Variants in MICU3 observed in about 807,000 individuals in gnomAD.
The protein encoded by MICU3 is mitochondrial calcium uptake 3, also known as calcium uptake protein 3, mitochondrial.
MICU3 carries 62 observed loss-of-function variants against 66.5 expected under a neutral mutation model. That is an observed-to-expected ratio of 0.93 (90% CI 0.76 to 1.15). The LOEUF (loss-of-function observed/expected upper bound fraction) is 1.15. Ranked by LOEUF, MICU3 falls within the 50% of genes most tolerant of loss-of-function variation. MICU3 has a pLI of 0.00. For synonymous variants in MICU3, 308 were observed against 240.7 expected (o/e 1.28, Z -2.59); for missense variants, 779 against 664.4 (o/e 1.17, Z -1.90).
chr8:17,057,835 CTTG>C lies in MICU3; in HGVS notation c.382-6221_382-6219del, dbSNP rs3988341. On this transcript the variant is annotated intron_variant, in intron 1 of 14. Transcript: ENST00000318063. ...CTTTTTTTCGTTTTTTGTTGTTGTT[CTTG>C]TTGTTGTTGTTGTTGTTGTTGTTGT... 2.1e-3 allele frequency among the ~76,000 whole-genome samples: 320 copies of C among 150,468 alleles called. 1 individual carries two copies. The highest frequency in any genetic ancestry group is 5.9e-3 in the African/African-American group (244 of 41,036).
At chr8:17,077,378 A>G (rs1820529399) in intron 3 of MICU3, among the ~76,000 whole-genome samples, 2 of 152,174 alleles carry the variant, frequency 1.3e-5, no homozygotes, top group South Asian at 4.1e-4. Context: ...AAGAGACATT[A>G]CGTGAAGCCG....
At chr8:17,079,891 A>G (rs1032730937) in intron 4 of MICU3, among the ~76,000 whole-genome samples, 4 of 152,206 alleles carry the variant, frequency 2.6e-5, no homozygotes, top group Admixed American at 6.5e-5. Flanking sequence ...ATATGCATTC[A>G]TGAAAACATG....
At chr8:17,046,768 G>T (rs1170046334) in intron 1 of MICU3, among the ~76,000 whole-genome samples, 2 of 152,046 alleles carry the variant, frequency 1.3e-5, no homozygotes, top group Non-Finnish European at 2.9e-5. Context: ...CTTATGTCTG[G>T]TATAAGCTGA....
rs1182485182 is a variant in MICU3, at chr8:17,121,124, G to A, written c.*837G>A. On this transcript the variant is annotated 3_prime_UTR_variant, in exon 15 of 15. Coordinates refer to ENST00000318063, the MANE Select transcript of MICU3 (RefSeq NM_181723.3). ...CTGCTCCTGATCATAGGTGGTACAC[G>A]TTAATAACACTAGTAAAAATAACGT... The A allele has an allele frequency of 1.3e-5, 2 of 151,798 alleles. No homozygotes were observed. Among genetic ancestry groups the A allele is most frequent in the Non-Finnish European group, 3.0e-5 (2 of 67,792 alleles). 9.4% of individuals were successfully genotyped at this position (151,798 alleles called of 1,614,324 possible). A position where few individuals can be genotyped will look rare whatever the true frequency, so the allele number is the denominator to read the frequency against.
intron 13 of MICU3, among the ~76,000 whole-genome samples, chr8:17,117,014 G>A (rs1802749336): frequency 1.3e-5 from 2 of 152,030 alleles, no homozygotes. Context: ...GTCTCACTCT[G>A]CCACCCAAGC....
chr8:17,064,504 C>G (rs2285261), intron 2 of MICU3, among the ~76,000 whole-genome samples: 1 of 151,834 alleles, frequency 6.6e-6, no homozygotes, highest in African/African-American at 2.4e-5. Context: ...TATTCTGCCT[C>G]TTCATTCTTA....
chr8:17,080,104 C>T (rs2150717114), intron 4 of MICU3, among the ~76,000 whole-genome samples: 1 of 151,824 alleles, frequency 6.6e-6, no homozygotes, highest in South Asian at 2.1e-4. Context: ...TTTTTTGATC[C>T]TGCACGCCAT....
At chr8:17,063,068 C>T (rs563860447) in intron 1 of MICU3, among the ~76,000 whole-genome samples, 1 of 152,170 alleles carries the variant, frequency 6.6e-6, no homozygotes, top group South Asian at 2.1e-4. Flanking sequence ...AAATGGTCTT[C>T]TACAGGAATA....
At chr8:17,037,038 C>G (rs1202896470) in intron 1 of MICU3, among the ~76,000 whole-genome samples, 1 of 152,254 alleles carries the variant, frequency 6.6e-6, no homozygotes, top group East Asian at 1.9e-4. Flanking sequence ...ACCCAGTACA[C>G]CTTCCGCAGC....
At chr8:17,101,478 A>G in intron 9 of MICU3, among the ~76,000 whole-genome samples, 1 of 151,720 alleles carries the variant, frequency 6.6e-6, no homozygotes, top group Non-Finnish European at 1.5e-5. Context: ...GCCTCATTGG[A>G]TCTGGATTAT....
chr8:17,114,305 G>A, intron 12 of MICU3, 104 bp downstream of exon 12: 2 of 665,050 alleles, frequency 3.0e-6, no homozygotes, highest in South Asian at 2.1e-5. Context: ...CCATCAACTT[G>A]TGTGAAAGTC....
chr8:17,096,955 T>TTGTGTGTGTGTGTGTGTG (rs3988378), intron 8 of MICU3, among the ~76,000 whole-genome samples: 1 of 141,548 alleles, frequency 7.1e-6, no homozygotes, highest in Non-Finnish European at 1.5e-5. Context: ...CTAAATATAT[T>TTGTGTGTGTGTGTGTGTG]TGTGTGTGTG....
chr8:17,085,404 T>G, intron 6 of MICU3, 86 bp downstream of exon 6: 1 of 789,268 alleles, frequency 1.3e-6, no homozygotes, highest in Non-Finnish European at 2.0e-6. Flanking sequence ...GGAGTACTAC[T>G]GTAGAGAAAA....
chr8:17,041,473 A>T (rs1011602256), intron 1 of MICU3, among the ~76,000 whole-genome samples: 2 of 152,186 alleles, frequency 1.3e-5, no homozygotes, highest in Non-Finnish European at 2.9e-5. Context: ...TTACAGTTGG[A>T]TAAGCTGAGT....
intron 8 of MICU3, among the ~76,000 whole-genome samples, chr8:17,098,021 A>T (rs1800899655): frequency 6.6e-6 from 1 of 151,728 alleles, no homozygotes; most frequent in Non-Finnish European, 1.5e-5. Context: ...AGTTATTTTG[A>T]GTCTTTGATA....
In MICU3 at chr8:17,087,030, A is replaced by C; in HGVS notation, c.844A>C (p.Met282Leu). ...EIKGDEEKRA[M>L]LRLQLYGYHS... ...TAAAGGAGATGAAGAAAAGCGTGCA[A>C]TGCTGGTAAGAATACTTTATAGTAG... The change falls in exon 7 of 15, where the codon ATG (methionine) becomes CTG (leucine). Residue 282 changes from methionine to leucine, a missense_variant. Transcript: ENST00000318063. The C allele has an allele frequency of 6.2e-7, 1 of 1,601,532 alleles. No individual in the cohort carries two copies. Among genetic ancestry groups the C allele is most frequent in the Non-Finnish European group, 8.5e-7 (1 of 1,169,774 alleles).
intron 8 of MICU3, among the ~76,000 whole-genome samples, chr8:17,096,892 T>C (rs1425968375): frequency 3.3e-5 from 5 of 151,826 alleles, no homozygotes; most frequent in Non-Finnish European, 7.4e-5. Flanking sequence ...TACTTCTTTT[T>C]CTTGTCCACA....
chr8:17,042,479 T>C (rs1814316006), intron 1 of MICU3, among the ~76,000 whole-genome samples: 1 of 152,210 alleles, frequency 6.6e-6, no homozygotes, highest in South Asian at 2.1e-4. Context: ...CAGGATTTTC[T>C]AGATTTATTA....
rs897491515 is a variant in MICU3, at chr8:17,114,019, T to C, written c.1258-74T>C. 9 of 905,792 alleles carry C rather than the reference T, an allele frequency of 9.9e-6. No individual in the cohort carries two copies. In the African/African-American group the frequency reaches 1.5e-4, roughly 15 times the overall value. The allele number at this position is 905,792 out of a possible 1,614,324, so 56.1% of individuals were successfully genotyped here. A position where few individuals can be genotyped will look rare whatever the true frequency, so the allele number is the denominator to read the frequency against. ...ATTGCAAATGCTTAATCTGTTTTTT[T>C]CTCTTATGTGTAGATCCTGATTTTA... On this transcript the variant is annotated intron_variant, in intron 11 of 14. Coordinates refer to ENST00000318063, the MANE Select transcript of MICU3 (RefSeq NM_181723.3).
Sources: allele counts gnomAD v4.1 joint callset (sites outside exome capture counted in the v4.1 genomes callset), GRCh38; gene constraint gnomAD v4.1.1; transcripts MANE v1.5; gene names NCBI Gene and HGNC (gene_info 2026-07-23, HGNC 2026-07-21).